SLC2A13: variants seen among roughly 807,000 people sequenced by gnomAD.
SLC2A13 encodes solute carrier family 2 member 13, also known as proton myo-inositol cotransporter.
SLC2A13 carries 32 observed loss-of-function variants against 64.4 expected under a neutral mutation model. That is an observed-to-expected ratio of 0.50 (90% CI 0.37 to 0.67). The LOEUF (loss-of-function observed/expected upper bound fraction) is 0.67, where lower values mean the gene tolerates loss of function less well. SLC2A13 is among the 30% of genes least tolerant of loss of function. SLC2A13 has a pLI of 0.00. For synonymous variants in SLC2A13, 338 were observed against 327.1 expected (o/e 1.03, Z -0.36); for missense variants, 743 against 829.2 (o/e 0.90, Z 1.28).
intron 1 of SLC2A13, among the ~76,000 whole-genome samples, chr12:40,102,388 C>G (rs952414344): frequency 2.0e-5 from 3 of 152,054 alleles, no homozygotes; most frequent in African/African-American, 7.2e-5. Flanking sequence ...TTGAAAAGAA[C>G]AATCCTACCT....
At chr12:39,877,524 G>T (rs1592232554) in intron 4 of SLC2A13, among the ~76,000 whole-genome samples, 1 of 152,218 alleles carries the variant, frequency 6.6e-6, no homozygotes, top group East Asian at 1.9e-4. Context: ...TATCACAAGG[G>T]CATCCACTTA....
intron 4 of SLC2A13, among the ~76,000 whole-genome samples, chr12:39,890,514 T>C (rs1447271040): frequency 1.3e-5 from 2 of 152,190 alleles, no homozygotes; most frequent in African/African-American, 4.8e-5. Flanking sequence ...AATATAAGCA[T>C]GAGAGTCTTA....
intron 7 of SLC2A13, among the ~76,000 whole-genome samples, chr12:39,789,263 CA>C (rs1566790940): frequency 6.6e-6 from 1 of 152,070 alleles, no homozygotes; most frequent in Admixed American, 6.6e-5. Context: ...CCTAAAAATA[CA>C]TATCACTTGG....
chr12:40,048,272 C>T, intron 1 of SLC2A13, 62 bp from the exon 2 acceptor site: 4 of 1,502,280 alleles, frequency 2.7e-6, no homozygotes, highest in South Asian at 2.7e-5. Context: ...GCAATAAATA[C>T]TAATGCTAGA....
chr12:40,089,117 G>A (rs1328297255), intron 1 of SLC2A13, among the ~76,000 whole-genome samples: 3 of 152,180 alleles, frequency 2.0e-5, no homozygotes, highest in Non-Finnish European at 2.9e-5. Context: ...ATGAATCACT[G>A]AAAGAGTCAG....
At chr12:39,912,930 C>G (rs184721564) in intron 4 of SLC2A13, among the ~76,000 whole-genome samples, 2 of 152,086 alleles carry the variant, frequency 1.3e-5, no homozygotes, top group Non-Finnish European at 2.9e-5. Context: ...TATGTGACCA[C>G]AGATTTATGG....
At chr12:39,916,627 A>C (rs1203624513) in intron 4 of SLC2A13, among the ~76,000 whole-genome samples, 3 of 152,110 alleles carry the variant, frequency 2.0e-5, no homozygotes, top group African/African-American at 7.2e-5. Flanking sequence ...CTGGGAACAC[A>C]GAGTTGTATA....
At chr12:40,018,845 C>T (rs1947662568) in intron 3 of SLC2A13, among the ~76,000 whole-genome samples, 1 of 152,172 alleles carries the variant, frequency 6.6e-6, no homozygotes, top group Admixed American at 6.6e-5. Flanking sequence ...TTTCTCCTCA[C>T]CCTGAGAGTC....
In SLC2A13 at chr12:39,999,579, C is replaced by T. The variant is rs865784275; in HGVS notation, c.925+28722G>A. On this transcript the variant is annotated intron_variant, in intron 3 of 9. Coordinates refer to ENST00000280871, the MANE Select transcript of SLC2A13 (RefSeq NM_052885.4). ...CTGCCCTGGTAAATTTGAGGTCAGA[C>T]CAGTTCTCTGCTCTCAAACCCTGTT... 3.9e-5 allele frequency among the ~76,000 whole-genome samples: 6 copies of T among 152,266 alleles called. No homozygotes were observed. The South Asian group carries it at 1.2e-3, about 32-fold the overall frequency.
At chr12:39,776,732 TTTTC>T (rs1940793722) in intron 7 of SLC2A13, among the ~76,000 whole-genome samples, 1 of 8,432 alleles carries the variant, frequency 1.2e-4, no homozygotes, top group Non-Finnish European at 2.6e-4. Flanking sequence ...GTTGAGACAT[TTTTC>T]TTTCTTTTTT....
chr12:39,926,907 C>A (rs1035757755), intron 4 of SLC2A13, among the ~76,000 whole-genome samples: 1 of 152,144 alleles, frequency 6.6e-6, no homozygotes, highest in Non-Finnish European at 1.5e-5. Context: ...GAGCCACCTG[C>A]ATCCAGCTAG....
intron 4 of SLC2A13, among the ~76,000 whole-genome samples, chr12:39,896,285 T>C (rs1203699584): frequency 7.9e-6 from 1 of 125,800 alleles, no homozygotes; most frequent in Non-Finnish European, 1.7e-5. Flanking sequence ...TATACATGTA[T>C]GTATATGTGT....
intron 4 of SLC2A13, among the ~76,000 whole-genome samples, chr12:39,887,703 T>C (rs1944504394): frequency 6.6e-6 from 1 of 152,216 alleles, no homozygotes; most frequent in Non-Finnish European, 1.5e-5. Flanking sequence ...CCTATCATTC[T>C]GTTGTGAAGA....
chr12:39,919,620 T>A (rs1364161040), intron 4 of SLC2A13, among the ~76,000 whole-genome samples: 1 of 152,078 alleles, frequency 6.6e-6, no homozygotes, highest in Non-Finnish European at 1.5e-5. Context: ...ATAGTTAATA[T>A]AATGATGTTT....
At chr12:39,762,491 C>G (rs1259890425) in intron 9 of SLC2A13, among the ~76,000 whole-genome samples, 1 of 150,354 alleles carries the variant, frequency 6.7e-6, no homozygotes, top group Non-Finnish European at 1.5e-5. Flanking sequence ...TATAAAATGG[C>G]ATATTGGTGA....
chr12:39,935,455 C>T (rs1038472355), intron 4 of SLC2A13, among the ~76,000 whole-genome samples: 1 of 152,100 alleles, frequency 6.6e-6, no homozygotes, highest in Admixed American at 6.6e-5. Flanking sequence ...CAGAGAGTGA[C>T]TCATTCCCCT....
rs201794968 is a variant in SLC2A13 at position 39,896,290 on chromosome 12, A to G, written c.1035-24329T>C. Among the ~76,000 whole-genome samples, 85 of 99,184 alleles carry G rather than the reference A, an allele frequency of 8.6e-4. 1 individual carries two copies. In the East Asian group the frequency reaches 0.017, roughly 19 times the overall value. The allele number at this position is 99,184 out of a possible 152,430, so 65.1% of individuals were successfully genotyped here. A position where few individuals can be genotyped will look rare whatever the true frequency, so the allele number is the denominator to read the frequency against. On this transcript the variant is annotated intron_variant, in intron 4 of 9. Transcript: ENST00000280871. Reference sequence around the variant, plus strand: ...TGTATATATGTATACATGTATGTATATGTGTGTATATATGTATACATATAT... The same window carrying G: ...TGTATATATGTATACATGTATGTATGTGTGTGTATATATGTATACATATAT...
chr12:39,841,548 A>G (rs1451652009), intron 6 of SLC2A13, among the ~76,000 whole-genome samples: 2 of 152,110 alleles, frequency 1.3e-5, no homozygotes, highest in Non-Finnish European at 2.9e-5. Flanking sequence ...ATGTATATAA[A>G]TGTATATCTA....
intron 4 of SLC2A13, among the ~76,000 whole-genome samples, chr12:39,896,519 T>A (rs57351062): frequency 0.43 from 60,191 of 139,908 alleles, 14,368 homozygotes; most frequent in Non-Finnish European, 0.52. Context: ...CATGTGTGTA[T>A]ACATGTATAC....
Sources: allele counts gnomAD v4.1 joint callset (sites outside exome capture counted in the v4.1 genomes callset), GRCh38; gene constraint gnomAD v4.1.1; transcripts MANE v1.5; gene names NCBI Gene and HGNC (gene_info 2026-07-23, HGNC 2026-07-21).